YTHDF1: variants seen among roughly 807,000 people sequenced by gnomAD.
YTHDF1 encodes YTH N6-methyladenosine RNA binding protein F1.
A neutral mutation model predicts 49.1 loss-of-function variants in YTHDF1; 16 were observed. That is an observed-to-expected ratio of 0.33 (90% confidence interval 0.22 to 0.49). The LOEUF is 0.49. YTHDF1 is among the 20% of genes least tolerant of loss of function. The pLI is 0.99. For missense variants in YTHDF1, 621 were observed against 744.3 expected, an observed-to-expected ratio of 0.83 and a Z score of 1.93; for synonymous variants, 313 against 290.1, an observed-to-expected ratio of 1.08 and a Z score of -0.80.
At chr20:63,209,535 C>T (rs183767219) in intron 3 of YTHDF1, among the ~76,000 whole-genome samples, 6 of 152,076 alleles carry the variant, frequency 3.9e-5, no homozygotes, top group African/African-American at 1.2e-4. Flanking sequence ...TCTGGGAGGC[C>T]GAGGCAGGAG....
At chr20:63,213,832 A>G (rs1347016134) in intron 3 of YTHDF1, 32 bp downstream of exon 3, 3 of 1,582,974 alleles carry the variant, frequency 1.9e-6, no homozygotes, top group Non-Finnish European at 2.6e-6. Flanking sequence ...AACCAACTTA[A>G]AAACAAATAT....
intron 4 of YTHDF1, among the ~76,000 whole-genome samples, chr20:63,200,279 T>G (rs777341253): frequency 1.3e-5 from 2 of 151,838 alleles, no homozygotes; most frequent in Non-Finnish European, 2.9e-5. Flanking sequence ...GAAAATGGCC[T>G]GAACCTCGGA....
chr20:63,196,491 A>G lies in YTHDF1; in HGVS notation c.*217T>C, dbSNP rs2066493142. 8.6e-6 allele frequency: 4 copies of G among 465,074 alleles called. No individual in the cohort carries two copies. The South Asian group carries it at 1.6e-4, about 18-fold the overall frequency. The allele number at this position is 465,074 out of a possible 1,614,324, so 28.8% of individuals were successfully genotyped here. A position where few individuals can be genotyped will look rare whatever the true frequency, so the allele number is the denominator to read the frequency against. On this transcript the variant is annotated 3_prime_UTR_variant, in exon 5 of 5. Coordinates refer to ENST00000370339, the MANE Select transcript of YTHDF1 (RefSeq NM_017798.4). ...GATCAGTCTGATTGATAAGCTGACA[A>G]AAAAAATACTCCTTTATTAGTGACT...
intron 3 of YTHDF1, among the ~76,000 whole-genome samples, chr20:63,210,260 C>T (rs6090307): frequency 0.23 from 34,407 of 152,030 alleles, 3,961 homozygotes; most frequent in East Asian, 0.35. Flanking sequence ...GCCCAGATGG[C>T]CTTGGTAATT....
intron 4 of YTHDF1, among the ~76,000 whole-genome samples, chr20:63,199,362 A>T (rs984658846): frequency 1.3e-4 from 20 of 152,252 alleles, no homozygotes; most frequent in African/African-American, 4.3e-4. Flanking sequence ...TACTAAAAGC[A>T]CAAAAAATTC....
chr20:63,196,487 G>C lies in YTHDF1; in HGVS notation c.*221C>G, dbSNP rs573056522. 9 of 458,544 alleles carry C rather than the reference G, an allele frequency of 2.0e-5. No homozygotes were observed. The highest frequency in any genetic ancestry group is 1.8e-4 in the African/African-American group (9 of 49,524). The allele number at this position is 458,544 out of a possible 1,614,324, so 28.4% of individuals were successfully genotyped here. ...ATTAGATCAGTCTGATTGATAAGCT[G>C]ACAAAAAAAATACTCCTTTATTAGT... On this transcript the variant is annotated 3_prime_UTR_variant, in exon 5 of 5. Transcript: ENST00000370339.
At chr20:63,215,546 C>T in intron 2 of YTHDF1, 31 bp downstream of exon 2, 1 of 1,613,644 alleles carries the variant, frequency 6.2e-7, no homozygotes, top group Non-Finnish European at 8.5e-7. Context: ...TCCACTCCAG[C>T]CCGCGCCGGC....
rs905267644 is a variant in YTHDF1 at position 63,195,487 on chromosome 20, C to A, written c.*1221G>T. The A allele has an allele frequency of 6.6e-6, 1 of 152,654 alleles. No individual in the cohort carries two copies. The highest frequency in any genetic ancestry group is 2.4e-5 in the African/African-American group (1 of 41,456). 9.5% of individuals were successfully genotyped at this position (152,654 alleles called of 1,614,324 possible). ...TTCTCCTAGAGGAAAAACCCAATGT[C>A]GTCCAGGACTCCATTCAGGCAGTAA... On this transcript the variant is annotated 3_prime_UTR_variant, in exon 5 of 5. Transcript: ENST00000370339.
At chr20:63,212,099 C>G (rs1047433110) in intron 3 of YTHDF1, among the ~76,000 whole-genome samples, 1 of 152,096 alleles carries the variant, frequency 6.6e-6, no homozygotes, top group Non-Finnish European at 1.5e-5. Flanking sequence ...TAAGAACACA[C>G]TAGAAAACAA....
chr20:63,213,691 C>T (rs1442604119), intron 3 of YTHDF1, among the ~76,000 whole-genome samples, 173 bp downstream of exon 3: 1 of 152,216 alleles, frequency 6.6e-6, no homozygotes, highest in Non-Finnish European at 1.5e-5. Context: ...TTTCACCCCA[C>T]TGATGCCCAA....
intron 2 of YTHDF1, 82 bp downstream of exon 2, chr20:63,215,495 T>C: frequency 6.3e-7 from 1 of 1,588,954 alleles, no homozygotes; most frequent in Non-Finnish European, 8.6e-7. Flanking sequence ...AAGTTTCCGG[T>C]TCCAGACGCA....
chr20:63,207,990 C>CAA (rs575560754), intron 3 of YTHDF1, among the ~76,000 whole-genome samples: 3 of 95,200 alleles, frequency 3.2e-5, no homozygotes, highest in Non-Finnish European at 6.5e-5. Flanking sequence ...GACTCCGTCT[C>CAA]AAAAAAAAAA....
chr20:63,202,443 G>A lies in YTHDF1; in HGVS notation c.1497C>T (p.Asn499=), dbSNP rs2066521940. Residue 499 remains asparagine, a synonymous_variant, in exon 4 of 5, where the codon AAC becomes AAT. Coordinates refer to ENST00000370339, the MANE Select transcript of YTHDF1 (RefSeq NM_017798.4). ...TGTCCCGGGAGTTTGTGACCGGTTT[G>A]TTGTCGTTATTCTCCAGCCTGATGT... ...LRHIRLENND[N]KPVTNSRDTQ... 6.2e-7 allele frequency: 1 copy of A among 1,614,286 alleles called. No homozygotes were observed. The highest frequency in any genetic ancestry group is 8.5e-7 in the Non-Finnish European group (1 of 1,180,054).
In YTHDF1 at chr20:63,203,893, G is replaced by A. The variant is rs117568047; in HGVS notation, c.133-86C>T. ...ACCGCCTCTTGCTTAAGCACAGGTG[G>A]AGCAAAAACAAAACCTGCACAGCAT... On this transcript the variant is annotated intron_variant, in intron 3 of 4. Coordinates refer to ENST00000370339, the MANE Select transcript of YTHDF1 (RefSeq NM_017798.4). The surrounding 1 kb of genome is among the most constrained non-coding windows in gnomAD (Gnocchi z 4.4). The A allele has an allele frequency of 0.022, 29,793 of 1,341,254 alleles. 381 individuals carry two copies. The highest frequency in any genetic ancestry group is 0.026 in the Non-Finnish European group (25,647 of 994,834). The allele number at this position is 1,341,254 out of a possible 1,614,324, so 83.1% of individuals were successfully genotyped here.
intron 3 of YTHDF1, among the ~76,000 whole-genome samples, chr20:63,204,039 G>A (rs763110318): frequency 3.9e-5 from 6 of 152,184 alleles, no homozygotes; most frequent in Non-Finnish European, 8.8e-5. Context: ...TCATTGGCAA[G>A]GCTCTGAATT....
chr20:63,203,281 C>T lies in YTHDF1; in HGVS notation c.659G>A (p.Gly220Asp), dbSNP rs1397575633. 5 of 1,613,882 alleles carry T rather than the reference C, an allele frequency of 3.1e-6. No homozygotes were observed. The highest frequency in any genetic ancestry group is 2.7e-5 in the African/African-American group (2 of 75,060). The part of the protein sequence containing the change: ...VALTGVLSGN[G>D]GTNVNMPVSK... ...AACTGGCATGTTCACATTTGTCCCA[C>T]CGTTGCCAGAAAGGACACCAGTCAG... Residue 220 changes from glycine (G) to aspartate (D), a missense_variant, in exon 4 of 5, where the codon GGT (glycine) becomes GAT (aspartate). Around this residue, in one of 2 missense-constraint regions of YTHDF1, gnomAD observed 470 missense variants for 495.8 expected, o/e 0.95. Coordinates refer to ENST00000370339, the MANE Select transcript of YTHDF1 (RefSeq NM_017798.4). The surrounding 1 kb of genome is among the most constrained non-coding windows in gnomAD (Gnocchi z 4.4).
chr20:63,210,848 C>T (rs1043293842), intron 3 of YTHDF1, among the ~76,000 whole-genome samples: 2 of 152,094 alleles, frequency 1.3e-5, no homozygotes, highest in East Asian at 3.9e-4. Flanking sequence ...CCCTTCACTC[C>T]CAGTTCCTCT....
In YTHDF1 at chr20:63,202,750, T is replaced by A. The variant is rs1362922059; in HGVS notation, c.1190A>T (p.Tyr397Phe). 1.2e-6 allele frequency: 2 copies of A among 1,614,122 alleles called. No homozygotes were observed. The highest frequency in any genetic ancestry group is 2.2e-5 in the South Asian group (2 of 91,082). Reference protein sequence around the residue: ...KSGRVFIIKSYSEDDIHRSIK... With the variant: ...KSGRVFIIKSFSEDDIHRSIK... ...GGAGCGGTGGATGTCGTCCTCAGAGTAGCTCTTGATGATGAACACACGCCC... is the reference window on the plus strand; with the variant it reads ...GGAGCGGTGGATGTCGTCCTCAGAGAAGCTCTTGATGATGAACACACGCCC... Residue 397 changes from tyrosine (Y) to phenylalanine (F), a missense_variant, in exon 4 of 5, where the codon TAC becomes TTC. Tyr to Phe is a conservative substitution (Grantham distance 22, BLOSUM62 3). This residue lies in a region of YTHDF1 where 151 missense variants were observed against 248.5 expected (regional missense o/e 0.61). Transcript: ENST00000370339.
At chr20:63,212,852 T>C in intron 3 of YTHDF1, among the ~76,000 whole-genome samples, 1 of 152,086 alleles carries the variant, frequency 6.6e-6, no homozygotes, top group Non-Finnish European at 1.5e-5. Flanking sequence ...CCAGGGAGGC[T>C]GCTAAACATC....
Sources: gnomAD v4.1 joint callset for allele counts (sites outside exome capture counted in the v4.1 genomes callset) on GRCh38, gnomAD v4.1.1 for gene constraint, gnomAD v4.1.1 regional missense constraint, Gnocchi (gnomAD v3.1) non-coding constraint, MANE v1.5 for transcripts, NCBI Gene and HGNC (gene_info 2026-07-23, HGNC 2026-07-21) for gene names.